TRDN: variants seen among roughly 807,000 people sequenced by gnomAD.
TRDN encodes triadin in skeletal muscle.
Under a neutral mutation model 149.7 loss-of-function variants are expected in TRDN, and 161 were observed. That is an observed-to-expected ratio of 1.08 (90% CI 0.95 to 1.23). The LOEUF is 1.23. TRDN is among the 50% of genes most tolerant of loss of function. The pLI, the probability that TRDN is intolerant of heterozygous loss-of-function variation, is 0.00. For synonymous variants in TRDN, 294 were observed against 250.5 expected, an observed-to-expected ratio of 1.17 and a Z score of -1.64; for missense variants, 896 against 823.5, an observed-to-expected ratio of 1.09 and a Z score of -1.08.
chr6:123,585,717 T>A (rs1174975804), intron 1 of TRDN, among the ~76,000 whole-genome samples: 1 of 152,038 alleles, frequency 6.6e-6, no homozygotes, highest in African/African-American at 2.4e-5. Flanking sequence ...CTGCAGGCAT[T>A]CCTTGGCCTG....
At chr6:123,585,591 T>A (rs570857629) in intron 1 of TRDN, among the ~76,000 whole-genome samples, 1,885 of 152,120 alleles carry the variant, frequency 0.012, 15 homozygotes, top group African/African-American at 0.027. Context: ...GGAAGGAGTC[T>A]GAGAGCCTTG....
At position 123,403,677 on chromosome 6, in the gene TRDN, G is replaced by T. The variant is rs116681948; in HGVS notation, c.1052-10000C>A. On this transcript the variant is annotated intron_variant, in intron 12 of 40. Coordinates refer to ENST00000334268, the MANE Select transcript of TRDN (RefSeq NM_006073.4). ...CCTATTAAAATAGCAGGAATACACA[G>T]CTGTTTCCTAGAAGGACAGTACTCT... 9.1e-3 allele frequency among the ~76,000 whole-genome samples: 1,387 copies of T among 152,236 alleles called. 23 individuals carry two copies. Among genetic ancestry groups the T allele is most frequent in the African/African-American group, 0.031 (1,308 of 41,544 alleles).
chr6:123,400,815 C>T (rs1361660391), intron 12 of TRDN, among the ~76,000 whole-genome samples: 2 of 152,080 alleles, frequency 1.3e-5, no homozygotes, highest in East Asian at 3.8e-4. Flanking sequence ...TTTTTCCTTT[C>T]CTAGAAAATA....
intron 18 of TRDN, among the ~76,000 whole-genome samples, chr6:123,376,812 T>A (rs1781526980): frequency 6.6e-6 from 1 of 152,010 alleles, no homozygotes; most frequent in African/African-American, 2.4e-5. Context: ...ATTGAGCAGA[T>A]GCTATTTCCA....
intron 24 of TRDN, 55 bp from the exon 25 acceptor site, chr6:123,279,137 T>C: frequency 7.3e-7 from 1 of 1,367,160 alleles, no homozygotes; most frequent in Non-Finnish European, 1.0e-6. Context: ...CTTATTAAAT[T>C]AACATTATTG....
intron 24 of TRDN, 142 bp from the exon 25 acceptor site, chr6:123,279,224 G>T (rs1777494163): frequency 1.5e-6 from 1 of 676,374 alleles, no homozygotes; most frequent in Non-Finnish European, 2.3e-6. Flanking sequence ...AAATTCTATA[G>T]AATGTGTAAC....
At chr6:123,548,745 G>T in intron 2 of TRDN, 133 bp from the exon 3 acceptor site, 2 of 816,392 alleles carry the variant, frequency 2.4e-6, no homozygotes. Context: ...AATATCTCCT[G>T]GCTACAATTT....
intron 22 of TRDN, among the ~76,000 whole-genome samples, chr6:123,337,188 A>C (rs565494024): frequency 2.0e-5 from 3 of 152,002 alleles, no homozygotes; most frequent in African/African-American, 7.2e-5. Flanking sequence ...ATTACTTCCT[A>C]TTTGTAGCTT....
At chr6:123,307,031 T>C (rs111296703) in intron 24 of TRDN, among the ~76,000 whole-genome samples, 75 of 152,212 alleles carry the variant, frequency 4.9e-4, no homozygotes, top group African/African-American at 1.5e-3. Flanking sequence ...ATGATTTAGC[T>C]TTGCTAAAGA....
chr6:123,322,769 C>T (rs915726390), intron 23 of TRDN, among the ~76,000 whole-genome samples: 1 of 151,698 alleles, frequency 6.6e-6, no homozygotes. Flanking sequence ...GCCTCCCCAG[C>T]AGCTGGGACT....
intron 24 of TRDN, among the ~76,000 whole-genome samples, chr6:123,300,407 C>T (rs1159427265): frequency 1.3e-5 from 2 of 151,826 alleles, no homozygotes; most frequent in Non-Finnish European, 2.9e-5. Context: ...ACAGTATATG[C>T]ATAAGTAATC....
intron 12 of TRDN, among the ~76,000 whole-genome samples, chr6:123,411,049 CTTT>C (rs34482163): frequency 3.6e-4 from 45 of 126,350 alleles, no homozygotes; most frequent in Admixed American, 3.2e-4. Flanking sequence ...AACTTTCTTT[CTTT>C]TTTTTTTTTT....
At chr6:123,570,784 C>T in intron 2 of TRDN, 139 bp downstream of exon 2, 1 of 688,414 alleles carries the variant, frequency 1.5e-6, no homozygotes, top group Non-Finnish European at 2.4e-6. Context: ...AAACAGATTT[C>T]AGTGATCCTC....
At chr6:123,521,266 G>A (rs1314017744) in intron 5 of TRDN, among the ~76,000 whole-genome samples, 1 of 152,138 alleles carries the variant, frequency 6.6e-6, no homozygotes, top group Non-Finnish European at 1.5e-5. Flanking sequence ...GCCTAAGAAT[G>A]TGACTTTATT....
intron 21 of TRDN, chr6:123,351,016 G>T (rs1353899305): frequency 4.1e-6 from 4 of 980,362 alleles, no homozygotes; most frequent in Admixed American, 6.5e-5. Flanking sequence ...CAAATCAATT[G>T]TCTGTTTGGT....
chr6:123,408,291 T>G (rs1023594046), intron 12 of TRDN, among the ~76,000 whole-genome samples: 2 of 152,200 alleles, frequency 1.3e-5, no homozygotes, highest in African/African-American at 4.8e-5. Context: ...CTATACATGG[T>G]ACTAATTAAG....
Position 123,241,999 on chromosome 6 carries a change from T to G in TRDN, c.1975+10413A>C, listed in dbSNP as rs142243884. Among the ~76,000 whole-genome samples, 891 of 152,324 alleles carry G rather than the reference T, an allele frequency of 5.8e-3. 5 individuals are homozygous for G. The highest frequency in any genetic ancestry group is 0.02 in the African/African-American group (837 of 41,582). ...AACAAACCTAACTTTATATAAATGT[T>G]GACTCCCAGACTACAGCAACAAAAT... On this transcript the variant is annotated intron_variant, in intron 38 of 40. Transcript: ENST00000334268.
chr6:123,548,104 G>A (rs1781207926), intron 3 of TRDN, among the ~76,000 whole-genome samples: 1 of 151,822 alleles, frequency 6.6e-6, no homozygotes, highest in Admixed American at 6.6e-5. Flanking sequence ...TCTTCCTAGA[G>A]ATAAACTTGA....
intron 24 of TRDN, among the ~76,000 whole-genome samples, chr6:123,297,743 A>C (rs1372950238): frequency 6.6e-6 from 1 of 152,042 alleles, no homozygotes; most frequent in Non-Finnish European, 1.5e-5. Context: ...CAGACATCAC[A>C]AATTTCTCTT....
Sources: gnomAD v4.1 joint callset for allele counts (sites outside exome capture counted in the v4.1 genomes callset) on GRCh38, gnomAD v4.1.1 for gene constraint, MANE v1.5 for transcripts, NCBI Gene and HGNC (gene_info 2026-07-23, HGNC 2026-07-21) for gene names.